ANKRD6: variants seen among roughly 807,000 people sequenced by gnomAD.
ANKRD6 encodes ankyrin repeat domain-containing protein 6.
A neutral mutation model predicts 82.3 loss-of-function variants in ANKRD6; 56 were observed. That is an observed-to-expected ratio of 0.68 (90% CI 0.55 to 0.85). The LOEUF (loss-of-function observed/expected upper bound fraction) is 0.85, where lower values mean the gene tolerates loss of function less well. Among genes scored for constraint, ANKRD6 ranks in the 40% least tolerant of loss-of-function variants. ANKRD6 has a pLI of 0.00. For synonymous variants in ANKRD6, 347 were observed against 352.1 expected (o/e 0.99, Z 0.16); for missense variants, 852 against 907.6 (o/e 0.94, Z 0.79).
At chr6:89,487,216 G>A (rs1283602837) in intron 1 of ANKRD6, among the ~76,000 whole-genome samples, 1 of 152,128 alleles carries the variant, frequency 6.6e-6, no homozygotes, top group East Asian at 1.9e-4. Flanking sequence ...AATAGATGTT[G>A]GGTGCTCAGA....
intron 1 of ANKRD6, among the ~76,000 whole-genome samples, chr6:89,498,620 G>A (rs1000025754): frequency 5.3e-5 from 8 of 152,096 alleles, no homozygotes; most frequent in African/African-American, 1.9e-4. Context: ...AGAGAATGAT[G>A]TGAAGTGTTC....
chr6:89,515,368 A>T (rs1781075165), intron 1 of ANKRD6, among the ~76,000 whole-genome samples: 1 of 152,202 alleles, frequency 6.6e-6, no homozygotes, highest in African/African-American at 2.4e-5. Flanking sequence ...ACCTCTTTGC[A>T]CCACCCTTTC....
Position 89,623,553 on chromosome 6 carries a change from A to C in ANKRD6, c.1032+9A>C. 2 of 1,576,854 alleles carry C rather than the reference A, an allele frequency of 1.3e-6. No homozygotes were observed. The highest frequency in any genetic ancestry group is 1.7e-6 in the Non-Finnish European group (2 of 1,161,202). The stretch of plus-strand genomic sequence containing the variant: ...GAAAGTCAAGGCCCAAGGTCAGGAG[A>C]CACAGAAAGCAGCCCAGAGGGGTGG... On this transcript the variant is annotated intron_variant, in intron 11 of 15. Coordinates refer to ENST00000339746, the MANE Select transcript of ANKRD6 (RefSeq NM_001242809.2).
At chr6:89,550,184 A>G (rs916720526) in intron 1 of ANKRD6, among the ~76,000 whole-genome samples, 1 of 152,162 alleles carries the variant, frequency 6.6e-6, no homozygotes, top group Non-Finnish European at 1.5e-5. Flanking sequence ...TATATATGGT[A>G]TATATATATG....
At position 89,625,514 on chromosome 6, in the gene ANKRD6, G is replaced by A. The variant is rs919945993; in HGVS notation, c.1371+823G>A. On this transcript the variant is annotated intron_variant, in intron 13 of 15. Coordinates refer to ENST00000339746, the MANE Select transcript of ANKRD6 (RefSeq NM_001242809.2). ...CCTGTAGTCAGCCAGTTAATATGTTGCTGCATTTGCCTTGTCTCTCTGACA... is the reference window on the plus strand; with the variant it reads ...CCTGTAGTCAGCCAGTTAATATGTTACTGCATTTGCCTTGTCTCTCTGACA... Among the ~76,000 whole-genome samples the A allele has an allele frequency of 1.2e-4, 18 of 152,120 alleles. No individual in the cohort carries two copies. The South Asian group carries it at 3.7e-3, about 32-fold the overall frequency.
At chr6:89,588,131 CTTCCACT>C (rs1357133259) in intron 2 of ANKRD6, among the ~76,000 whole-genome samples, 1 of 150,998 alleles carries the variant, frequency 6.6e-6, no homozygotes, top group Non-Finnish European at 1.5e-5. Context: ...TTGGTGGAGT[CTTCCACT>C]TTTTAAAATC....
intron 1 of ANKRD6, among the ~76,000 whole-genome samples, chr6:89,510,999 TCTC>T (rs1346014421): frequency 1.3e-5 from 2 of 152,090 alleles, no homozygotes; most frequent in African/African-American, 2.4e-5. Context: ...GCTGACAACA[TCTC>T]CTCTTCATCC....
At chr6:89,450,519 CTTTA>C (rs1215758266) in intron 1 of ANKRD6, among the ~76,000 whole-genome samples, 1 of 152,028 alleles carries the variant, frequency 6.6e-6, no homozygotes, top group Non-Finnish European at 1.5e-5. Context: ...GTATTTTTAT[CTTTA>C]TTTATATATT....
chr6:89,601,799 G>A (rs754949695), intron 3 of ANKRD6: 8 of 152,098 alleles, frequency 5.3e-5, no homozygotes, highest in Non-Finnish European at 1.2e-4. Context: ...GATCTGGGGA[G>A]TTTAGTAAGT....
intron 1 of ANKRD6, among the ~76,000 whole-genome samples, chr6:89,453,636 G>A (rs1377071167): frequency 6.6e-6 from 1 of 151,968 alleles, no homozygotes; most frequent in African/African-American, 2.4e-5. Flanking sequence ...TAGGAGTGCT[G>A]TAGCGCAGTC....
intron 2 of ANKRD6, among the ~76,000 whole-genome samples, chr6:89,567,314 C>A (rs999346465): frequency 6.6e-6 from 1 of 152,136 alleles, no homozygotes; most frequent in Admixed American, 6.5e-5. Context: ...TTTAAAATCA[C>A]GGTGGCTTTT....
intron 1 of ANKRD6, among the ~76,000 whole-genome samples, chr6:89,547,093 T>C (rs1303899151): frequency 6.6e-6 from 1 of 152,192 alleles, no homozygotes; most frequent in Non-Finnish European, 1.5e-5. Context: ...CCCAAAGTGC[T>C]GGGATTACAG....
chr6:89,468,598 T>TA lies in ANKRD6; in HGVS notation c.-144+35249dup, dbSNP rs60606383. ...CTAACACTAATGATAGTTGATGAGC[T>TA]AAAAAAAAAAAAAAAAAAAAAAAAA... On this transcript the variant is annotated intron_variant, in intron 1 of 15. Coordinates refer to ENST00000339746, the MANE Select transcript of ANKRD6 (RefSeq NM_001242809.2). 9.2e-3 allele frequency among the ~76,000 whole-genome samples: 498 copies of TA among 53,858 alleles called. 12 individuals are homozygous for TA. Among genetic ancestry groups the TA allele is most frequent in the Non-Finnish European group, 0.013 (411 of 31,060 alleles). The allele number at this position is 53,858 out of a possible 152,430, so 35.3% of individuals were successfully genotyped here.
chr6:89,445,968 G>T (rs1772032182), intron 1 of ANKRD6, among the ~76,000 whole-genome samples: 2 of 152,198 alleles, frequency 1.3e-5, no homozygotes, highest in Admixed American at 1.3e-4. Context: ...AATAAGTGTT[G>T]TATGTGTTCT....
intron 2 of ANKRD6, among the ~76,000 whole-genome samples, chr6:89,577,560 T>A (rs1461337124): frequency 6.6e-6 from 1 of 152,078 alleles, no homozygotes; most frequent in Non-Finnish European, 1.5e-5. Context: ...AACATTAGAG[T>A]TGAGAGCCTC....
intron 2 of ANKRD6, among the ~76,000 whole-genome samples, chr6:89,569,098 G>A (rs1026115211): frequency 6.6e-6 from 1 of 151,864 alleles, no homozygotes; most frequent in East Asian, 1.9e-4. Flanking sequence ...ATTTTGAGTA[G>A]AGATAGGGTT....
At position 89,516,893 on chromosome 6, in the gene ANKRD6, G is replaced by A. The variant is rs1406407711; in HGVS notation, c.-143-49941G>A. On this transcript the variant is annotated intron_variant, in intron 1 of 15. Transcript: ENST00000339746. The stretch of plus-strand genomic sequence containing the variant: ...GTTTTTGGTTTGTTTTTTGGAGACA[G>A]AGCTTTACTGTGTTGCCCAGACTGG... Among the ~76,000 whole-genome samples, 5 of 152,172 alleles carry A rather than the reference G, an allele frequency of 3.3e-5. No homozygotes were observed. The East Asian group carries it at 9.6e-4, about 29-fold the overall frequency.
At chr6:89,470,438 G>A (rs999745465) in intron 1 of ANKRD6, among the ~76,000 whole-genome samples, 10 of 152,136 alleles carry the variant, frequency 6.6e-5, no homozygotes, top group African/African-American at 2.2e-4. Flanking sequence ...GGGCAACATA[G>A]CGAGACTCTT....
chr6:89,480,941 C>CAA (rs372393432), intron 1 of ANKRD6, among the ~76,000 whole-genome samples: 1 of 92,940 alleles, frequency 1.1e-5, no homozygotes, highest in African/African-American at 4.2e-5. Context: ...GACCCTGTCT[C>CAA]AAAAAAAAAA....
Sources: gnomAD v4.1 joint callset for allele counts (sites outside exome capture counted in the v4.1 genomes callset) on GRCh38, gnomAD v4.1.1 for gene constraint, MANE v1.5 for transcripts, NCBI Gene and HGNC (gene_info 2026-07-23, HGNC 2026-07-21) for gene names.